GNAQ: variants seen among roughly 807,000 people sequenced by gnomAD.
GNAQ encodes the protein guanine nucleotide-binding protein G(q) subunit alpha.
In GNAQ, 8 loss-of-function variants were observed where a neutral mutation model predicts 43.9. The ratio of observed to expected loss-of-function variants is 0.18; its 90% CI spans 0.11 to 0.33. The LOEUF (loss-of-function observed/expected upper bound fraction) is 0.33, where lower values mean the gene tolerates loss of function less well. Among genes scored for constraint, GNAQ ranks in the 10% least tolerant of loss-of-function variants. The pLI is 1.00. For missense variants in GNAQ, 158 were observed against 450.8 expected, an observed-to-expected ratio of 0.35 and a Z score of 5.88; for synonymous variants, 155 against 170.7, an observed-to-expected ratio of 0.91 and a Z score of 0.71.
chr9:77,971,062 C>A (rs561426234), intron 1 of GNAQ, among the ~76,000 whole-genome samples: 1 of 152,258 alleles, frequency 6.6e-6, no homozygotes, highest in African/African-American at 2.4e-5. Context: ...CACACACCCT[C>A]CCAAGACTAA....
At chr9:77,985,344 T>C (rs1229701905) in intron 1 of GNAQ, among the ~76,000 whole-genome samples, 1 of 152,056 alleles carries the variant, frequency 6.6e-6, no homozygotes, top group Non-Finnish European at 1.5e-5. Context: ...AAAGAGTTTG[T>C]AGAGTTTTGT....
At chr9:77,851,647 T>C (rs1354718968) in intron 2 of GNAQ, among the ~76,000 whole-genome samples, 7 of 152,180 alleles carry the variant, frequency 4.6e-5, no homozygotes, top group Admixed American at 3.9e-4. Context: ...CCACTCCTGA[T>C]CCCTCCTGTC....
Position 78,026,294 on chromosome 9 carries a change from G to A in GNAQ, c.136+4806C>T, listed in dbSNP as rs974364543. Among the ~76,000 whole-genome samples, 22 of 152,246 alleles carry A rather than the reference G, an allele frequency of 1.4e-4. 1 individual carries two copies. Among genetic ancestry groups the A allele is most frequent in the Admixed American group, 9.2e-4 (14 of 15,280 alleles). ...ATGGAGATCCAGACGATGAATCTAC[G>A]TAGTTCAATGCAAAAAACTTATTCC... On this transcript the variant is annotated intron_variant, in intron 1 of 6. Transcript: ENST00000286548.
intron 2 of GNAQ, among the ~76,000 whole-genome samples, chr9:77,882,239 A>C (rs1828224497): frequency 6.6e-6 from 1 of 152,214 alleles, no homozygotes; most frequent in Non-Finnish European, 1.5e-5. Flanking sequence ...CTGCTGATAT[A>C]TGAGTTGATT....
At chr9:77,830,896 A>C (rs764351140) in intron 2 of GNAQ, among the ~76,000 whole-genome samples, 8 of 152,216 alleles carry the variant, frequency 5.3e-5, no homozygotes, top group Non-Finnish European at 1.0e-4. Context: ...CTTGAGAAAA[A>C]GTCCTTTAAA....
chr9:77,776,512 C>A (rs1027059641), intron 5 of GNAQ, among the ~76,000 whole-genome samples: 1 of 152,104 alleles, frequency 6.6e-6, no homozygotes, highest in South Asian at 2.1e-4. Flanking sequence ...ATCAAGTAGG[C>A]ATAACAATTG....
intron 1 of GNAQ, among the ~76,000 whole-genome samples, chr9:77,939,349 A>G (rs1209820402): frequency 3.3e-5 from 5 of 152,236 alleles, no homozygotes; most frequent in African/African-American, 1.2e-4. Flanking sequence ...TGATAAGAAA[A>G]TTCTGATCCT....
chr9:77,766,703 G>A (rs998923564), intron 5 of GNAQ, among the ~76,000 whole-genome samples: 5 of 152,108 alleles, frequency 3.3e-5, no homozygotes, highest in African/African-American at 1.2e-4. Context: ...TTGCTGTTAT[G>A]CACCGTTTTT....
intron 1 of GNAQ, among the ~76,000 whole-genome samples, chr9:77,981,133 A>G (rs1279267829): frequency 1.3e-5 from 2 of 152,180 alleles, no homozygotes; most frequent in African/African-American, 4.8e-5. Context: ...TTAGTATACA[A>G]TATTATGTAA....
intron 1 of GNAQ, among the ~76,000 whole-genome samples, chr9:78,008,859 C>T (rs975292582): frequency 2.0e-5 from 3 of 152,180 alleles, no homozygotes; most frequent in African/African-American, 4.8e-5. Flanking sequence ...CCTCGTGATC[C>T]GCCCACCTCG....
intron 2 of GNAQ, among the ~76,000 whole-genome samples, chr9:77,846,248 G>A (rs1827583796): frequency 2.0e-5 from 3 of 152,160 alleles, no homozygotes; most frequent in Non-Finnish European, 4.4e-5. Flanking sequence ...GAGATGTGTG[G>A]CAAGTCAGGG....
At chr9:77,840,069 C>T (rs527812819) in intron 2 of GNAQ, among the ~76,000 whole-genome samples, 30 of 152,128 alleles carry the variant, frequency 2.0e-4, no homozygotes, top group Admixed American at 3.9e-4. Flanking sequence ...GTGCGTTTTC[C>T]TCTGCAAATG....
At chr9:77,902,970 AT>A (rs1404379828) in intron 2 of GNAQ, among the ~76,000 whole-genome samples, 1 of 152,166 alleles carries the variant, frequency 6.6e-6, no homozygotes, top group Non-Finnish European at 1.5e-5. Context: ...CAGGGAACTT[AT>A]AATCTTAGGA....
chr9:77,868,645 A>G (rs1827986450), intron 2 of GNAQ, among the ~76,000 whole-genome samples: 1 of 151,984 alleles, frequency 6.6e-6, no homozygotes, highest in South Asian at 2.1e-4. Context: ...AAAATACAAA[A>G]ATTAGCTGGG....
intron 2 of GNAQ, among the ~76,000 whole-genome samples, chr9:77,863,231 A>AAAGG (rs948027920): frequency 1.3e-4 from 8 of 59,884 alleles, no homozygotes; most frequent in African/African-American, 2.4e-4. Context: ...AGGAAGGAAG[A>AAAGG]AAGGAAGGAA....
chr9:77,775,193 T>A (rs1353214649), intron 5 of GNAQ, among the ~76,000 whole-genome samples: 1 of 152,166 alleles, frequency 6.6e-6, no homozygotes, highest in Non-Finnish European at 1.5e-5. Flanking sequence ...ATTGGATAAT[T>A]TAATTATTTT....
intron 4 of GNAQ, among the ~76,000 whole-genome samples, chr9:77,796,478 C>T (rs748822165): frequency 3.3e-5 from 5 of 152,174 alleles, no homozygotes; most frequent in Non-Finnish European, 7.3e-5. Flanking sequence ...ACTAAAAGTA[C>T]AACTGAGTGA....
At chr9:77,867,204 C>T (rs1490363882) in intron 2 of GNAQ, among the ~76,000 whole-genome samples, 1 of 152,218 alleles carries the variant, frequency 6.6e-6, no homozygotes, top group South Asian at 2.1e-4. Flanking sequence ...CTCCTGGACT[C>T]TCAAAGAGTG....
intron 2 of GNAQ, among the ~76,000 whole-genome samples, chr9:77,871,967 TC>T (rs1828046588): frequency 1.3e-5 from 2 of 152,190 alleles, no homozygotes; most frequent in South Asian, 4.1e-4. Flanking sequence ...TAAATTATTA[TC>T]TCATGTATAT....
Sources: allele counts gnomAD v4.1 joint callset (sites outside exome capture counted in the v4.1 genomes callset), GRCh38; gene constraint gnomAD v4.1.1; transcripts MANE v1.5; gene names NCBI Gene and HGNC (gene_info 2026-07-23, HGNC 2026-07-21).